The following NRXN3 variants were observed in gnomAD, a reference collection of about 807,000 sequenced individuals.
NRXN3 encodes the protein neurexin III.
A neutral mutation model predicts 137.6 loss-of-function variants in NRXN3; 32 were observed. That is an observed-to-expected ratio of 0.23 (90% CI 0.18 to 0.31). NRXN3 has a LOEUF of 0.31. Ranked by LOEUF, NRXN3 falls within the 10% of genes least tolerant of loss-of-function variation. NRXN3 has a pLI of 1.00. For missense variants in NRXN3, 1,574 were observed against 2,062.5 expected, an observed-to-expected ratio of 0.76 and a Z score of 4.59; for synonymous variants, 798 against 784.5, an observed-to-expected ratio of 1.02 and a Z score of -0.29.
intron 15 of NRXN3, chr14:79,279,892 C>CA: frequency 2.0e-6 from 2 of 1,020,198 alleles, no homozygotes; most frequent in Non-Finnish European, 2.3e-6. Flanking sequence ...TCTCTTCCTT[C>CA]ATTGCCACCT....
chr14:78,992,911 T>A (rs978474278), intron 15 of NRXN3, among the ~76,000 whole-genome samples: 2 of 152,114 alleles, frequency 1.3e-5, no homozygotes, highest in African/African-American at 4.8e-5. Context: ...CATGGCTTTG[T>A]GGGGTGAAGT....
rs538611274 is a variant in NRXN3, at chr14:78,593,694, C to T, written c.758-51426C>T. Reference sequence around the variant, plus strand: ...TCTTGGGTGGGAGAGAGCCAGAGGTCGAGGAGGGGGTGGGGAAATTGTCAT... The same window carrying T: ...TCTTGGGTGGGAGAGAGCCAGAGGTTGAGGAGGGGGTGGGGAAATTGTCAT... On this transcript the variant is annotated intron_variant, in intron 4 of 20. Transcript: ENST00000335750. Among the ~76,000 whole-genome samples the T allele has an allele frequency of 9.2e-5, 14 of 151,866 alleles. No individual in the cohort carries two copies. In the South Asian group the frequency reaches 1.5e-3, roughly 16 times the overall value.
At chr14:78,742,897 T>G (rs2098586192) in intron 8 of NRXN3, among the ~76,000 whole-genome samples, 1 of 152,198 alleles carries the variant, frequency 6.6e-6, no homozygotes, top group African/African-American at 2.4e-5. Flanking sequence ...AATAAACAGC[T>G]TAGTTAAATA....
At chr14:79,377,660 G>A (rs1383495885) in intron 15 of NRXN3, among the ~76,000 whole-genome samples, 1 of 152,174 alleles carries the variant, frequency 6.6e-6, no homozygotes, top group Non-Finnish European at 1.5e-5. Context: ...GGAGGCTGAG[G>A]CAGGAGAATC....
Position 79,218,478 on chromosome 14 carries a change from G to T in NRXN3, c.3262+230337G>T, listed in dbSNP as rs547802987. 2.6e-5 allele frequency among the ~76,000 whole-genome samples: 4 copies of T among 152,240 alleles called. No individual in the cohort carries two copies. The East Asian group carries it at 7.7e-4, about 29-fold the overall frequency. On this transcript the variant is annotated intron_variant, in intron 15 of 20. Transcript: ENST00000335750. Reference sequence around the variant, plus strand: ...TTCTGTACTTGGAGTATATAGGAATGAACAAGACAGCCACACTTAGCAGAA... The same window carrying T: ...TTCTGTACTTGGAGTATATAGGAATTAACAAGACAGCCACACTTAGCAGAA...
chr14:79,083,556 A>T (rs1296063667), intron 15 of NRXN3, among the ~76,000 whole-genome samples: 1 of 152,230 alleles, frequency 6.6e-6, no homozygotes, highest in African/African-American at 2.4e-5. Flanking sequence ...CATTGCTGGC[A>T]TGTGTGCAAG....
chr14:78,173,558 C>T (rs1278178577), intron 1 of NRXN3, among the ~76,000 whole-genome samples: 2 of 142,286 alleles, frequency 1.4e-5, no homozygotes, highest in Non-Finnish European at 3.1e-5. Context: ...CCCCCTCCAT[C>T]CTCCCCCAAT....
intron 4 of NRXN3, among the ~76,000 whole-genome samples, chr14:78,419,961 G>GCGCGCGCACACACACACACACA: frequency 2.0e-5 from 1 of 49,242 alleles, no homozygotes; most frequent in African/African-American, 4.5e-5. Context: ...GCGCGCGCAC[G>GCGCGCGCACACACACACACACA]CACACACACA....
chr14:79,365,651 G>A (rs941652773), intron 15 of NRXN3, among the ~76,000 whole-genome samples: 20 of 147,844 alleles, frequency 1.4e-4, no homozygotes, highest in African/African-American at 3.0e-4. Flanking sequence ...CCCGGGAAGC[G>A]GAGCTTGCAG....
At chr14:78,211,818 G>A (rs991984366) in intron 1 of NRXN3, among the ~76,000 whole-genome samples, 3 of 152,226 alleles carry the variant, frequency 2.0e-5, no homozygotes, top group Non-Finnish European at 4.4e-5. Context: ...GTGGAAAAGG[G>A]GGGCTATGCT....
chr14:79,155,665 A>G (rs908563990), intron 15 of NRXN3, among the ~76,000 whole-genome samples: 1 of 151,922 alleles, frequency 6.6e-6, no homozygotes, highest in East Asian at 1.9e-4. Flanking sequence ...GCTATGTATT[A>G]TAGCCTGACA....
chr14:79,489,997 C>T (rs2096699021), intron 16 of NRXN3, among the ~76,000 whole-genome samples: 1 of 146,768 alleles, frequency 6.8e-6, no homozygotes, highest in East Asian at 2.0e-4. Context: ...CGAGATCACG[C>T]CACTGCACTC....
intron 15 of NRXN3, among the ~76,000 whole-genome samples, chr14:79,434,396 C>G (rs1288932962): frequency 6.6e-6 from 1 of 152,144 alleles, no homozygotes; most frequent in Non-Finnish European, 1.5e-5. Flanking sequence ...AATCCTCTTT[C>G]AACTGGCTCC....
At chr14:78,614,961 A>G (rs1296224329) in intron 4 of NRXN3, 1 of 456,616 alleles carries the variant, frequency 2.2e-6, no homozygotes, top group African/African-American at 2.0e-5. Flanking sequence ...CTGCCGTGGG[A>G]TGGTGTTAGG....
chr14:78,985,226 C>T (rs1299250576), intron 14 of NRXN3, among the ~76,000 whole-genome samples: 2 of 152,174 alleles, frequency 1.3e-5, no homozygotes, highest in African/African-American at 2.4e-5. Context: ...ATCACCCTAA[C>T]ATTTACTGGA....
chr14:78,654,432 A>G (rs1387582799), intron 6 of NRXN3, among the ~76,000 whole-genome samples: 2 of 152,206 alleles, frequency 1.3e-5, no homozygotes, highest in African/African-American at 4.8e-5. Context: ...GGCCTATGCA[A>G]TTTCTGCTCC....
intron 4 of NRXN3, among the ~76,000 whole-genome samples, chr14:78,404,513 AG>A (rs2092355058): frequency 6.6e-6 from 1 of 152,116 alleles, no homozygotes; most frequent in African/African-American, 2.4e-5. Context: ...GGAATGTCCA[AG>A]GAAAGGTCAG....
At chr14:78,428,775 C>T (rs2093758934) in intron 4 of NRXN3, among the ~76,000 whole-genome samples, 1 of 152,142 alleles carries the variant, frequency 6.6e-6, no homozygotes, top group African/African-American at 2.4e-5. Context: ...TTCTGTCTTA[C>T]TGCGGGAGGT....
At chr14:79,167,764 T>A (rs1415295028) in intron 15 of NRXN3, among the ~76,000 whole-genome samples, 5 of 151,948 alleles carry the variant, frequency 3.3e-5, no homozygotes, top group Admixed American at 3.3e-4. Flanking sequence ...AAGTTACAAC[T>A]TATTCTTCCT....
Sources: allele counts gnomAD v4.1 joint callset (sites outside exome capture counted in the v4.1 genomes callset), GRCh38; gene constraint gnomAD v4.1.1; transcripts MANE v1.5; gene names NCBI Gene and HGNC (gene_info 2026-07-23, HGNC 2026-07-21).